Variants in ELFN2 observed in about 807,000 individuals in gnomAD.
ELFN2 encodes the protein extracellular leucine rich repeat and fibronectin type III domain containing 2, also known as protein phosphatase 1 regulatory subunit 29.
A neutral mutation model predicts 45.5 loss-of-function variants in ELFN2; 17 were observed. That is an observed-to-expected ratio of 0.37 (90% CI 0.26 to 0.56). The LOEUF is 0.56. ELFN2 is among the 20% of genes least tolerant of loss of function. The pLI, the probability that ELFN2 is intolerant of heterozygous loss-of-function variation, is 0.77. For missense variants in ELFN2, 922 were observed against 1,183.2 expected, an observed-to-expected ratio of 0.78 and a Z score of 3.24; for synonymous variants, 550 against 551.5, an observed-to-expected ratio of 1.00 and a Z score of 0.04.
intron 1 of ELFN2, among the ~76,000 whole-genome samples, chr22:37,347,790 A>G (rs1930732456): frequency 6.6e-6 from 1 of 152,220 alleles, no homozygotes; most frequent in Non-Finnish European, 1.5e-5. Flanking sequence ...AATGTCTGAC[A>G]TACTAAGGCA....
chr22:37,345,142 A>G (rs1433387509), intron 1 of ELFN2, among the ~76,000 whole-genome samples: 2 of 152,046 alleles, frequency 1.3e-5, no homozygotes, highest in Admixed American at 6.5e-5. Context: ...GGGCCCACCA[A>G]TCTGTGAGCA....
At chr22:37,393,464 A>C (rs1046998262) in intron 2 of ELFN2, among the ~76,000 whole-genome samples, 10 of 152,182 alleles carry the variant, frequency 6.6e-5, no homozygotes, top group African/African-American at 2.4e-4. Context: ...GACACGTCCC[A>C]AATCAGAGAG....
chr22:37,379,222 G>A (rs1931678672), intron 2 of ELFN2, among the ~76,000 whole-genome samples: 1 of 152,172 alleles, frequency 6.6e-6, no homozygotes, highest in Admixed American at 6.5e-5. Flanking sequence ...GGGCGCAGGG[G>A]ACACGGGCAC....
intron 1 of ELFN2, chr22:37,420,519 G>C (rs1162042495): frequency 6.5e-6 from 1 of 152,978 alleles, no homozygotes; most frequent in African/African-American, 2.4e-5. Flanking sequence ...CAGCGCCCTC[G>C]CTCCACAGGA....
intron 2 of ELFN2, among the ~76,000 whole-genome samples, chr22:37,410,238 G>A (rs528065394): frequency 2.0e-5 from 3 of 152,234 alleles, no homozygotes; most frequent in South Asian, 4.1e-4. Flanking sequence ...GAAACAGAAC[G>A]AATGAGCTCA....
intron 1 of ELFN2, among the ~76,000 whole-genome samples, chr22:37,423,481 G>A (rs762004035): frequency 2.0e-5 from 3 of 152,170 alleles, no homozygotes; most frequent in South Asian, 2.1e-4. Flanking sequence ...GTTTCCCTTC[G>A]AGGGTTCCAG....
intron 2 of ELFN2, among the ~76,000 whole-genome samples, chr22:37,415,902 G>A (rs994149476): frequency 1.3e-5 from 2 of 152,230 alleles, no homozygotes; most frequent in African/African-American, 4.8e-5. Context: ...GACGGAGGTT[G>A]CAGTGAGCAG....
In ELFN2 at chr22:37,375,322, G is replaced by A; in HGVS notation, c.213C>T (p.Leu71=). The change falls in exon 3 of 3, where the codon CTC becomes CTT. Residue 71 remains leucine, a synonymous_variant. Transcript: ENST00000402918. ...TCCCAAAGCGGTTGAGCGAGGAGTA[G>A]AGCACGGCTTTGAGCTTGTTCTCGT... is the stretch of plus-strand genomic sequence containing the variant. ...RLNENKLKAV[L]YSSLNRFGNL... The A allele has an allele frequency of 6.2e-7, 1 of 1,614,172 alleles. No individual in the cohort carries two copies. The highest frequency in any genetic ancestry group is 8.5e-7 in the Non-Finnish European group (1 of 1,180,042).
At chr22:37,387,855 C>G (rs2145654428) in intron 2 of ELFN2, among the ~76,000 whole-genome samples, 1 of 152,076 alleles carries the variant, frequency 6.6e-6, no homozygotes, top group East Asian at 1.9e-4. Flanking sequence ...TGACCACACC[C>G]AAACCACCGT....
Position 37,373,369 on chromosome 22 carries a change from G to A in ELFN2, c.2166C>T (p.Asp722=), listed in dbSNP as rs1258572980. 2 of 1,612,400 alleles carry A rather than the reference G, an allele frequency of 1.2e-6. No individual in the cohort carries two copies. The highest frequency in any genetic ancestry group is 1.7e-5 in the Admixed American group (1 of 59,872). ...FPALYYEEGA[D]SLSQRVSFLK... ...GGAAGGACACGCGCTGGCTCAGGCT[G>A]TCGGCACCCTCCTCGTAGTACAGGG... is the stretch of plus-strand genomic sequence containing the variant. Residue 722 remains aspartate (D), a synonymous_variant, in exon 3 of 3, where the codon GAC becomes GAT. Transcript: ENST00000402918.
In ELFN2 at chr22:37,373,613, T is replaced by C. The variant is rs1356080116; in HGVS notation, c.1922A>G (p.Lys641Arg). 3 of 1,603,556 alleles carry C rather than the reference T, an allele frequency of 1.9e-6. No individual in the cohort carries two copies. In the South Asian group the frequency reaches 3.3e-5, roughly 18 times the overall value. ...VSSSGSIKSA[K>R]VFSLDVPDHP... ...GTCGGGCACGTCCAGGCTAAAGACC[T>C]TGGCGCTCTTGATGGAACCACTGGA... The change falls in exon 3 of 3, where the codon AAG (lysine) becomes AGG (arginine). Residue 641 changes from lysine (K) to arginine (R), a missense_variant. Physicochemically the swap from Lys to Arg is conservative, Grantham distance 26. Around this residue, in one of 2 missense-constraint regions of ELFN2, gnomAD observed 564 missense variants for 642.8 expected, o/e 0.88. Coordinates refer to ENST00000402918, the MANE Select transcript of ELFN2 (RefSeq NM_052906.5).
At chr22:37,344,706 C>T (rs919983214) in intron 1 of ELFN2, among the ~76,000 whole-genome samples, 62 of 152,284 alleles carry the variant, frequency 4.1e-4, no homozygotes, top group African/African-American at 1.5e-3. Context: ...AAGCCTGATC[C>T]CCAGCATGGC....
At chr22:37,380,465 C>T (rs544150444) in intron 2 of ELFN2, among the ~76,000 whole-genome samples, 146 of 152,284 alleles carry the variant, frequency 9.6e-4, no homozygotes, top group African/African-American at 3.3e-3. Flanking sequence ...CAGGCTCCCG[C>T]TTGTGTGGCC....
At chr22:37,363,667 G>T (rs1390951994), downstream of ELFN2, among the ~76,000 whole-genome samples, 1 of 152,154 alleles carries the variant, frequency 6.6e-6, no homozygotes, top group Non-Finnish European at 1.5e-5. Flanking sequence ...CGGAGAGGCA[G>T]CCCGGGCCTC....
chr22:37,345,301 G>T (rs1930669870), intron 1 of ELFN2, among the ~76,000 whole-genome samples: 1 of 152,236 alleles, frequency 6.6e-6, no homozygotes, highest in African/African-American at 2.4e-5. Flanking sequence ...TGCTCTGCAA[G>T]GTGACGCTGG....
At chr22:37,391,745 A>G (rs549939510) in intron 2 of ELFN2, among the ~76,000 whole-genome samples, 1 of 152,294 alleles carries the variant, frequency 6.6e-6, no homozygotes, top group African/African-American at 2.4e-5. Context: ...CAAACGGCAG[A>G]CAGACCCTTA....
rs765298109 is a variant in ELFN2, at chr22:37,373,315, G to C, written c.2220C>G (p.Asp740Glu). The change falls in exon 3 of 3, where the codon GAC becomes GAG. Residue 740 changes from aspartate to glutamate, a missense_variant. Asp to Glu is a conservative substitution (Grantham distance 45, BLOSUM62 2). Coordinates refer to ENST00000402918, the MANE Select transcript of ELFN2 (RefSeq NM_052906.5). Reference protein sequence around the residue: ...FLKPLTRSKRDSTYSQLSPRH... With the variant: ...FLKPLTRSKRESTYSQLSPRH... Reference sequence around the variant, plus strand: ...TGGGGGAGAGCTGCGAGTAGGTGGAGTCACGCTTGGAGCGGGTCAGCGGCT... The same window carrying C: ...TGGGGGAGAGCTGCGAGTAGGTGGACTCACGCTTGGAGCGGGTCAGCGGCT... The C allele has an allele frequency of 2.5e-6, 4 of 1,613,770 alleles. No homozygotes were observed. The highest frequency in any genetic ancestry group is 3.4e-6 in the Non-Finnish European group (4 of 1,180,010).
rs1274285594 is a variant in ELFN2, at chr22:37,350,342, C to T, written n.149-7639G>A. On this transcript the variant is annotated intron_variant and non_coding_transcript_variant, in intron 1 of 2. Transcript: ENST00000452946. ...GTTCCATTTCTGCCACTTGAGTTTG[C>T]AGCCTGAGAAGGTCCCTCTGGTACG... Among the ~76,000 whole-genome samples the T allele has an allele frequency of 2.1e-5, 3 of 145,968 alleles. 1 individual carries two copies. Among genetic ancestry groups the T allele is most frequent in the Non-Finnish European group, 4.6e-5 (3 of 64,712 alleles).
chr22:37,387,270 C>T (rs1006541963), intron 2 of ELFN2, among the ~76,000 whole-genome samples: 3 of 152,160 alleles, frequency 2.0e-5, no homozygotes, highest in Non-Finnish European at 2.9e-5. Flanking sequence ...TCTCTCCCAG[C>T]GCCAAAGCAC....
Sources: gnomAD v4.1 joint callset for allele counts (sites outside exome capture counted in the v4.1 genomes callset) on GRCh38, gnomAD v4.1.1 for gene constraint, gnomAD v4.1.1 regional missense constraint, MANE v1.5 for transcripts, NCBI Gene and HGNC (gene_info 2026-07-23, HGNC 2026-07-21) for gene names.